The following STARD13 variants were observed in gnomAD, a reference collection of about 807,000 sequenced individuals.
STARD13 encodes StAR related lipid transfer domain containing 13, also known as stAR-related lipid transfer protein 13.
Under a neutral mutation model 106.4 loss-of-function variants are expected in STARD13, and 62 were observed. The observed-to-expected ratio is 0.58, with a 90% confidence interval of 0.48 to 0.72. STARD13 has a LOEUF of 0.72. STARD13 is among the 30% of genes least tolerant of loss of function. The pLI is 0.00. For synonymous variants in STARD13, 565 were observed against 553.0 expected, an observed-to-expected ratio of 1.02 and a Z score of -0.31; for missense variants, 1,387 against 1,424.0, an observed-to-expected ratio of 0.97 and a Z score of 0.42.
At chr13:33,590,237 T>G in the STARD13 span, among the ~76,000 whole-genome samples, 1 of 152,240 alleles carries the variant, frequency 6.6e-6, no homozygotes, top group East Asian at 1.9e-4. Flanking sequence ...AGGAACACTT[T>G]TACACTGTTG....
chr13:33,200,788 A>G (rs1002590928), intron 1 of STARD13, among the ~76,000 whole-genome samples: 2 of 151,552 alleles, frequency 1.3e-5, no homozygotes, highest in Non-Finnish European at 2.9e-5. Flanking sequence ...TTGGGAGGCC[A>G]AGGTGGGCAG....
At chr13:33,365,772 C>G in the STARD13 span, among the ~76,000 whole-genome samples, 2 of 152,104 alleles carry the variant, frequency 1.3e-5, no homozygotes, top group African/African-American at 2.4e-5. Context: ...ACATTTTGCT[C>G]GGATTGTCTT....
the STARD13 span, among the ~76,000 whole-genome samples, chr13:33,373,239 A>G: frequency 1.3e-5 from 2 of 152,102 alleles, no homozygotes; most frequent in African/African-American, 4.8e-5. Context: ...TCCTTTGTGC[A>G]CCCCAAACAG....
intron 1 of STARD13, among the ~76,000 whole-genome samples, chr13:33,170,376 G>A (rs1478330363): frequency 6.6e-6 from 1 of 152,096 alleles, no homozygotes; most frequent in Non-Finnish European, 1.5e-5. Flanking sequence ...CAGTGCAATG[G>A]GGCTGAAGCT....
At chr13:33,462,810 G>A in the STARD13 span, among the ~76,000 whole-genome samples, 1 of 152,166 alleles carries the variant, frequency 6.6e-6, no homozygotes, top group Non-Finnish European at 1.5e-5. Context: ...CCCAGATTGA[G>A]GGTGGGTCCA....
chr13:33,430,011 A>G, the STARD13 span, among the ~76,000 whole-genome samples: 12,947 of 150,638 alleles, frequency 0.086, 1,426 homozygotes, highest in African/African-American at 0.26. Context: ...TCCGCCTCCC[A>G]GGTTCGCGCC....
Position 33,105,293 on chromosome 13 carries a change from G to T in STARD13, c.*300C>A, listed in dbSNP as rs1338444607. On this transcript the variant is annotated 3_prime_UTR_variant, in exon 14 of 14. Transcript: ENST00000336934. ...TTTACAGTTAGGTATACGCTTCTTA[G>T]AAGCCTTTAAATAGCAAATTAGGCA... is the stretch of plus-strand genomic sequence containing the variant. The T allele has an allele frequency of 6.8e-5, 22 of 322,326 alleles. No individual in the cohort carries two copies. In the Admixed American group the frequency reaches 8.8e-4, roughly 13 times the overall value. The allele number at this position is 322,326 out of a possible 1,614,324, so 20.0% of individuals were successfully genotyped here. A position where few individuals can be genotyped will look rare whatever the true frequency, so the allele number is the denominator to read the frequency against.
chr13:33,524,406 T>G, the STARD13 span: 1 of 365,362 alleles, frequency 2.7e-6, no homozygotes, highest in Non-Finnish European at 4.5e-6. Context: ...GTTTTTTTCA[T>G]ATATAAAGGA....
At chr13:33,626,738 C>T in the STARD13 span, among the ~76,000 whole-genome samples, 1 of 152,200 alleles carries the variant, frequency 6.6e-6, no homozygotes, top group African/African-American at 2.4e-5. Context: ...TGCCAGCAGG[C>T]TGAGCATTGT....
chr13:33,305,158 C>A (rs1310004756), intron 1 of STARD13, among the ~76,000 whole-genome samples: 1 of 152,218 alleles, frequency 6.6e-6, no homozygotes, highest in Non-Finnish European at 1.5e-5. Context: ...TCCCAAAGTA[C>A]TGGGATTATA....
Position 33,293,915 on chromosome 13 carries a change from T to A in STARD13, c.124+56375A>T, listed in dbSNP as rs374682885. On this transcript the variant is annotated intron_variant, in intron 1 of 5. Coordinates refer to the STARD13 transcript ENST00000567873. Reference sequence around the variant, plus strand: ...TTGTGGGATGCTGTGATTGAGTGGGTCAATACTTAATAAATTTCCCTTTAT... The same window carrying A: ...TTGTGGGATGCTGTGATTGAGTGGGACAATACTTAATAAATTTCCCTTTAT... Among the ~76,000 whole-genome samples the A allele has an allele frequency of 1.3e-3, 205 of 152,274 alleles. 2 individuals carry two copies. The highest frequency in any genetic ancestry group is 4.7e-3 in the African/African-American group (197 of 41,568).
At chr13:33,347,246 C>CT (rs902973112), downstream of STARD13, among the ~76,000 whole-genome samples, 1 of 151,740 alleles carries the variant, frequency 6.6e-6, no homozygotes, top group African/African-American at 2.4e-5. Context: ...CTTTCTATTT[C>CT]TTTTTTTGAG....
At chr13:33,460,633 TC>T in the STARD13 span, among the ~76,000 whole-genome samples, 532 of 152,280 alleles carry the variant, frequency 3.5e-3, 2 homozygotes, top group African/African-American at 0.012. Flanking sequence ...ACAACTCATT[TC>T]TTGAATAGAG....
the STARD13 span, among the ~76,000 whole-genome samples, chr13:33,516,752 G>A: frequency 1.3e-5 from 2 of 151,818 alleles, no homozygotes; most frequent in Non-Finnish European, 2.9e-5. Context: ...ATACAAACCA[G>A]ATTTTGAGGA....
At chr13:33,485,445 T>A in the STARD13 span, among the ~76,000 whole-genome samples, 16 of 149,776 alleles carry the variant, frequency 1.1e-4, no homozygotes, top group African/African-American at 4.0e-4. Context: ...TAAAAAAAAA[T>A]GCTTTGTTGG....
At chr13:33,338,931 T>C (rs1004956680) in intron 1 of STARD13, among the ~76,000 whole-genome samples, 2 of 148,462 alleles carry the variant, frequency 1.3e-5, no homozygotes, top group Non-Finnish European at 3.0e-5. Context: ...GAACAAAGCA[T>C]ATGAATCTAG....
chr13:33,650,752 G>T, the STARD13 span, among the ~76,000 whole-genome samples: 1,167 of 152,342 alleles, frequency 7.7e-3, 15 homozygotes, highest in African/African-American at 0.026. Context: ...GGGCCAATTG[G>T]GAGGTGATTA....
At chr13:33,337,903 T>C (rs1337671786) in intron 1 of STARD13, among the ~76,000 whole-genome samples, 2 of 152,140 alleles carry the variant, frequency 1.3e-5, no homozygotes, top group Non-Finnish European at 2.9e-5. Flanking sequence ...CAGCAGAACA[T>C]TAAACCAAAT....
At chr13:33,306,789 A>G (rs770419726) in intron 1 of STARD13, among the ~76,000 whole-genome samples, 3 of 152,140 alleles carry the variant, frequency 2.0e-5, no homozygotes, top group African/African-American at 4.8e-5. Context: ...GTCTCTACTA[A>G]AAATACAAAA....
Sources: gnomAD v4.1 joint callset for allele counts (sites outside exome capture counted in the v4.1 genomes callset) on GRCh38, gnomAD v4.1.1 for gene constraint, MANE v1.5 for transcripts, NCBI Gene and HGNC (gene_info 2026-07-23, HGNC 2026-07-21) for gene names.